TMEM183A: variants seen among roughly 807,000 people sequenced by gnomAD.
TMEM183A encodes the protein chromosome 1 open reading frame 37.
A neutral mutation model predicts 46.7 loss-of-function variants in TMEM183A; 21 were observed. The observed-to-expected ratio is 0.45, with a 90% CI of 0.32 to 0.65. TMEM183A has a LOEUF of 0.65. TMEM183A is among the 30% of genes least tolerant of loss of function. The pLI, the probability that TMEM183A is intolerant of heterozygous loss-of-function variation, is 0.04. For missense variants in TMEM183A, 331 were observed against 481.9 expected (o/e 0.69, Z 2.93); for synonymous variants, 165 against 180.2 (o/e 0.92, Z 0.68).
intron 3 of TMEM183A, among the ~76,000 whole-genome samples, chr1:203,012,878 C>T (rs1656800833): frequency 6.6e-6 from 1 of 152,280 alleles, no homozygotes; most frequent in South Asian, 2.1e-4. Flanking sequence ...TACAGGCATG[C>T]ACCACCATGG....
chr1:203,019,255 G>A (rs1286369759), intron 6 of TMEM183A, among the ~76,000 whole-genome samples: 1 of 152,080 alleles, frequency 6.6e-6, no homozygotes, highest in Non-Finnish European at 1.5e-5. Flanking sequence ...TTTGGATAAG[G>A]GATACTCAAT....
intron 3 of TMEM183A, among the ~76,000 whole-genome samples, chr1:203,009,106 C>G (rs1656299941): frequency 6.6e-6 from 1 of 152,188 alleles, no homozygotes; most frequent in African/African-American, 2.4e-5. Context: ...CAGGTAAAAA[C>G]CCATAAGGCA....
chr1:203,007,975 C>T, intron 2 of TMEM183A, 112 bp downstream of exon 2: 1 of 1,354,504 alleles, frequency 7.4e-7, no homozygotes, highest in African/African-American at 1.4e-5. Flanking sequence ...TGTTTGCTTT[C>T]GTTAGTGTTA....
At chr1:203,017,468 T>C (rs1657273399) in intron 5 of TMEM183A, among the ~76,000 whole-genome samples, 1 of 152,188 alleles carries the variant, frequency 6.6e-6, no homozygotes, top group South Asian at 2.1e-4. Flanking sequence ...CTTATCATTG[T>C]CTATTAATTT....
At chr1:203,009,281 A>G (rs1656315909) in intron 3 of TMEM183A, among the ~76,000 whole-genome samples, 1 of 152,230 alleles carries the variant, frequency 6.6e-6, no homozygotes, top group Non-Finnish European at 1.5e-5. Flanking sequence ...GCAATTAGTA[A>G]TGTCTGCTTT....
In TMEM183A at chr1:203,016,003, G is replaced by T; in HGVS notation, c.571G>T (p.Glu191Ter). ...TTCCCTGCCTTTGCGTCTGCGACCA[G>T]AGTCAATGGAGAAGCTGCGCTGTCT... ...DASLPLRLRPESMEKLRCLRA... is the reference protein window; with the variant it reads ...DASLPLRLRP Residue 191 changes from glutamate to a stop codon, truncating the protein, a stop_gained, in exon 5 of 8, where the codon GAG becomes TAG. Coordinates refer to ENST00000367242, the MANE Select transcript of TMEM183A (RefSeq NM_138391.6). LOFTEE classifies it high-confidence loss of function. The T allele has an allele frequency of 6.2e-7, 1 of 1,614,030 alleles. No homozygotes were observed.
At chr1:203,015,280 C>T (rs529136393) in intron 4 of TMEM183A, 7 of 573,732 alleles carry the variant, frequency 1.2e-5, no homozygotes, top group African/African-American at 7.5e-5. Flanking sequence ...TATCCACTTT[C>T]AGCAAAACGT....
chr1:203,014,327 G>A (rs1472419806), intron 3 of TMEM183A, among the ~76,000 whole-genome samples: 1 of 152,190 alleles, frequency 6.6e-6, no homozygotes, highest in Non-Finnish European at 1.5e-5. Context: ...TGATGGTCAG[G>A]TGCAGTGGCT....
chr1:203,022,787 A>G lies in TMEM183A; in HGVS notation c.946-68A>G, dbSNP rs1657823026. 4 of 1,606,018 alleles carry G rather than the reference A, an allele frequency of 2.5e-6. No homozygotes were observed. In the South Asian group the frequency reaches 3.3e-5, roughly 13 times the overall value. ...AGTATAAATTAGTCTGGACTATTTC[A>G]TTTCAGAGTGAGCTCTTGGAAACCA... On this transcript the variant is annotated intron_variant, in intron 7 of 7. Transcript: ENST00000367242.
intron 3 of TMEM183A, among the ~76,000 whole-genome samples, chr1:203,011,245 A>G (rs1484207177): frequency 6.6e-6 from 1 of 152,190 alleles, no homozygotes; most frequent in Non-Finnish European, 1.5e-5. Flanking sequence ...AGCAGTGTAT[A>G]AGAGTTCCAG....
chr1:203,018,408 A>ATT (rs1488226689), intron 5 of TMEM183A, 73 bp from the exon 6 acceptor site: 1 of 1,524,618 alleles, frequency 6.6e-7, no homozygotes, highest in Non-Finnish European at 8.9e-7. Context: ...TTTGGTGATT[A>ATT]TTTTGGTTGT....
chr1:203,008,852 G>A lies in TMEM183A; in HGVS notation c.367+42G>A, dbSNP rs1415078562. 3 of 1,508,356 alleles carry A rather than the reference G, an allele frequency of 2.0e-6. No homozygotes were observed. In the African/African-American group the frequency reaches 4.3e-5, roughly 22 times the overall value. The allele number at this position is 1,508,356 out of a possible 1,614,324, so 93.4% of individuals were successfully genotyped here. A position where few individuals can be genotyped will look rare whatever the true frequency, so the allele number is the denominator to read the frequency against. On this transcript the variant is annotated intron_variant, in intron 3 of 7. Transcript: ENST00000367242. The stretch of plus-strand genomic sequence containing the variant: ...CTTTTGGTTTATTAGACCTGCCTGT[G>A]GTGACAAATTGAAGATGTTACTTTC...
intron 7 of TMEM183A, among the ~76,000 whole-genome samples, chr1:203,022,575 C>G (rs1048811556): frequency 6.6e-6 from 1 of 151,814 alleles, no homozygotes; most frequent in African/African-American, 2.4e-5. Flanking sequence ...TGGTGGTGCA[C>G]GCCTATATTC....
intron 4 of TMEM183A, chr1:203,015,418 C>T (rs2102553388): frequency 3.7e-6 from 1 of 272,560 alleles, no homozygotes; most frequent in Non-Finnish European, 7.0e-6. Flanking sequence ...CTTAGATTTG[C>T]TAGTTGTCTT....
chr1:203,016,184 A>G, intron 5 of TMEM183A, 44 bp downstream of exon 5: 1 of 1,612,518 alleles, frequency 6.2e-7, no homozygotes, highest in Non-Finnish European at 8.5e-7. Context: ...GAACTCTTGT[A>G]TGGTAGGCCT....
intron 5 of TMEM183A, 55 bp downstream of exon 5, chr1:203,016,195 G>C: frequency 2.5e-6 from 4 of 1,610,572 alleles, no homozygotes; most frequent in Non-Finnish European, 3.4e-6. Context: ...TGGTAGGCCT[G>C]TTATCATGGC....
intron 2 of TMEM183A, 119 bp from the exon 3 acceptor site, chr1:203,008,524 C>A: frequency 2.9e-6 from 2 of 691,372 alleles, no homozygotes; most frequent in East Asian, 3.9e-5. Flanking sequence ...TCTCACCTTT[C>A]TCTCTCAACG....
At position 203,021,054 on chromosome 1, in the gene TMEM183A, CGTG is replaced by C. The variant is rs113090955; in HGVS notation, c.945+109_945+111del. ...TTTTTTTTTTTTTTTTTTTAAGAGA[CGTG>C]GTCTCACTCTGTCACTCAGGCTGAA... On this transcript the variant is annotated intron_variant, in intron 7 of 7. Coordinates refer to ENST00000367242, the MANE Select transcript of TMEM183A (RefSeq NM_138391.6). The C allele has an allele frequency of 7.7e-4, 873 of 1,127,594 alleles. 11 individuals carry two copies. The African/African-American group carries it at 0.014, about 18-fold the overall frequency. The allele number at this position is 1,127,594 out of a possible 1,614,324, so 69.8% of individuals were successfully genotyped here.
chr1:203,017,608 C>T (rs1571617834), intron 5 of TMEM183A: 1 of 344,444 alleles, frequency 2.9e-6, no homozygotes, highest in East Asian at 1.7e-4. Context: ...ATGGGGCCTG[C>T]AGTGGCAGAT....
Sources: allele counts gnomAD v4.1 joint callset (sites outside exome capture counted in the v4.1 genomes callset), GRCh38; gene constraint gnomAD v4.1.1; transcripts MANE v1.5; gene names NCBI Gene and HGNC (gene_info 2026-07-23, HGNC 2026-07-21).